ABCA6: variants seen among roughly 807,000 people sequenced by gnomAD.
ABCA6 encodes the protein ATP binding cassette subfamily A member 6, also known as ATP-binding cassette sub-family A member 6.
A neutral mutation model predicts 191.2 loss-of-function variants in ABCA6; 164 were observed. The observed-to-expected ratio is 0.86, with a 90% CI of 0.76 to 0.98. The LOEUF is 0.98. ABCA6 is among the 50% of genes least tolerant of loss of function. The pLI is 0.00. For missense variants in ABCA6, 1,958 were observed against 1,894.1 expected (o/e 1.03, Z -0.63); for synonymous variants, 636 against 647.7 (o/e 0.98, Z 0.27).
chr17:69,123,116 A>G, intron 10 of ABCA6, 123 bp downstream of exon 10: 1 of 483,530 alleles, frequency 2.1e-6, no homozygotes, highest in Middle Eastern at 7.6e-4. Context: ...ATACATATGT[A>G]ACAAACATGC....
chr17:69,122,015 T>G (rs1044536032), intron 10 of ABCA6, among the ~76,000 whole-genome samples: 6 of 152,162 alleles, frequency 3.9e-5, no homozygotes, highest in African/African-American at 1.4e-4. Context: ...TTGGAAATAT[T>G]TCACTTCCTA....
At chr17:69,139,986 T>C (rs2074004175) in intron 2 of ABCA6, among the ~76,000 whole-genome samples, 1 of 149,738 alleles carries the variant, frequency 6.7e-6, no homozygotes, top group African/African-American at 2.5e-5. Context: ...TTAGGAGATA[T>C]ACCTAATGCT....
At position 69,133,878 on chromosome 17, in the gene ABCA6, G is replaced by C. The variant is rs755950086; in HGVS notation, c.565-11C>G. The stretch of plus-strand genomic sequence containing the variant: ...GTGATTGGTTGTGATCTAAAGTAGA[G>C]TTTAAACAAACATAATTATTATTTA... On this transcript the variant is annotated splice_polypyrimidine_tract_variant and intron_variant, in intron 5 of 38. Transcript: ENST00000284425. 1 of 1,496,902 alleles carries C rather than the reference G, an allele frequency of 6.7e-7. No homozygotes were observed. 92.7% of individuals were successfully genotyped at this position (1,496,902 alleles called of 1,614,324 possible). A position where few individuals can be genotyped will look rare whatever the true frequency, so the allele number is the denominator to read the frequency against.
In ABCA6 at chr17:69,102,987, GAGA is replaced by G. The variant is rs1390196614; in HGVS notation, c.2741-22_2741-20del. On this transcript the variant is annotated intron_variant, in intron 20 of 38. Coordinates refer to ENST00000284425, the MANE Select transcript of ABCA6 (RefSeq NM_080284.3). ...TTTGATTCTAATATGAAGTTAATAA[GAGA>G]AGGCCATAGAAAAGTAAGAAAATAC... 1 of 1,435,886 alleles carries G rather than the reference GAGA, an allele frequency of 7.0e-7. No individual in the cohort carries two copies. Among genetic ancestry groups the G allele is most frequent in the African/African-American group, 1.4e-5 (1 of 69,732 alleles). 88.9% of individuals were successfully genotyped at this position (1,435,886 alleles called of 1,614,324 possible). A position where few individuals can be genotyped will look rare whatever the true frequency, so the allele number is the denominator to read the frequency against.
At chr17:69,133,956 G>A (rs191276132) in intron 5 of ABCA6, 89 bp from the exon 6 acceptor site, 105 of 935,474 alleles carry the variant, frequency 1.1e-4, no homozygotes, top group African/African-American at 1.1e-3. Flanking sequence ...TACTTATGTC[G>A]GTTCTCCAAT....
intron 24 of ABCA6, 132 bp downstream of exon 24, chr17:69,096,496 T>G (rs909425082): frequency 5.7e-5 from 47 of 822,788 alleles, no homozygotes; most frequent in Non-Finnish European, 7.5e-5. Flanking sequence ...TTATCATACA[T>G]GCACTTTGCA....
intron 24 of ABCA6, 22 bp downstream of exon 24, chr17:69,096,606 G>A: frequency 6.9e-7 from 1 of 1,440,358 alleles, no homozygotes; most frequent in Non-Finnish European, 9.2e-7. Flanking sequence ...ATGAAATTTG[G>A]TTTATGTACT....
chr17:69,117,652 A>T (rs2073561347), intron 11 of ABCA6, among the ~76,000 whole-genome samples: 1 of 152,084 alleles, frequency 6.6e-6, no homozygotes, highest in African/African-American at 2.4e-5. Context: ...ATTAATCTTT[A>T]AAAACAAAGA....
Position 69,097,911 on chromosome 17 carries a change from T to C in ABCA6, c.3120+9A>G. The C allele has an allele frequency of 6.4e-7, 1 of 1,564,378 alleles. No homozygotes were observed. The highest frequency in any genetic ancestry group is 8.6e-7 in the Non-Finnish European group (1 of 1,159,678). ...CCTGAAATTTCTTCTTTTCCCTGCTTTTTCTTACCTTGTAATCACTGATGC... is the reference window on the plus strand; with the variant it reads ...CCTGAAATTTCTTCTTTTCCCTGCTCTTTCTTACCTTGTAATCACTGATGC... On this transcript the variant is annotated intron_variant, in intron 23 of 38. Coordinates refer to ENST00000284425, the MANE Select transcript of ABCA6 (RefSeq NM_080284.3).
intron 8 of ABCA6, among the ~76,000 whole-genome samples, chr17:69,126,055 G>A (rs1444656503): frequency 1.3e-5 from 2 of 151,900 alleles, no homozygotes; most frequent in Admixed American, 1.3e-4. Flanking sequence ...ACCTGTGCAG[G>A]AAAGTAGGAA....
chr17:69,122,481 A>G (rs2073667043), intron 10 of ABCA6, among the ~76,000 whole-genome samples: 1 of 152,112 alleles, frequency 6.6e-6, no homozygotes, highest in African/African-American at 2.4e-5. Flanking sequence ...ACCAAGTCTC[A>G]TAACAACCCT....
intron 22 of ABCA6, chr17:69,098,301 C>A (rs2144639917): frequency 3.0e-6 from 1 of 335,160 alleles, no homozygotes; most frequent in East Asian, 5.2e-5. Context: ...CATATTCATA[C>A]CAACAATACT....
At chr17:69,091,375 A>G in intron 25 of ABCA6, 113 bp from the exon 26 acceptor site, 3 of 1,112,292 alleles carry the variant, frequency 2.7e-6, no homozygotes, top group Non-Finnish European at 3.8e-6. Flanking sequence ...TCCCATATGC[A>G]GATATACCCA....
chr17:69,119,111 GGTGATGA>G (rs1312833047), intron 10 of ABCA6, among the ~76,000 whole-genome samples: 3 of 152,002 alleles, frequency 2.0e-5, no homozygotes, highest in Admixed American at 6.6e-5. Flanking sequence ...ATTGATCTGG[GGTGATGA>G]GTTTTTCTTG....
intron 26 of ABCA6, among the ~76,000 whole-genome samples, chr17:69,089,767 C>A (rs1424141297): frequency 6.6e-6 from 1 of 152,076 alleles, no homozygotes; most frequent in Non-Finnish European, 1.5e-5. Flanking sequence ...CTCTTCAATT[C>A]TTTGTTTAAA....
In ABCA6 at chr17:69,086,724, T is replaced by A; in HGVS notation, c.3831A>T (p.Ile1277=). The part of the protein sequence containing the change: ...TTSILDEKPV[I]IASCLHKEYA... The stretch of plus-strand genomic sequence containing the variant: ...ATTCTTTGTGTAGACAGCTGGCAAT[T>A]ATAACAGGTTTCTAGAAGAGATGAC... The change falls in exon 30 of 39, where the codon ATA becomes ATT. Residue 1277 remains isoleucine (I), a synonymous_variant. Transcript: ENST00000284425. 6.2e-7 allele frequency: 1 copy of A among 1,610,408 alleles called. No homozygotes were observed. Among genetic ancestry groups the A allele is most frequent in the Non-Finnish European group, 8.5e-7 (1 of 1,177,792 alleles).
Position 69,086,696 on chromosome 17 carries a change from C to G in ABCA6, c.3859G>C (p.Ala1287Pro). Residue 1287 changes from alanine (A) to proline (P), a missense_variant, in exon 30 of 39, where the codon GCA becomes CCA. Transcript: ENST00000284425. ...GAAAAGCAACTTTTCTTCTGGCCTG[C>G]ATATTCTTTGTGTAGACAGCTGGCA... ...IIASCLHKEYAGQKKSCFSKR... is the reference protein window; with the variant it reads ...IIASCLHKEYPGQKKSCFSKR... The G allele has an allele frequency of 6.2e-7, 1 of 1,612,550 alleles. No individual in the cohort carries two copies. Among genetic ancestry groups the G allele is most frequent in the Non-Finnish European group, 8.5e-7 (1 of 1,179,254 alleles).
intron 20 of ABCA6, chr17:69,103,763 G>C (rs1333832497): frequency 6.6e-6 from 1 of 152,394 alleles, no homozygotes; most frequent in Non-Finnish European, 1.5e-5. Flanking sequence ...GTTCCACACA[G>C]AACACACAGT....
intron 31 of ABCA6, 105 bp downstream of exon 31, chr17:69,085,519 CA>C (rs35438104): frequency 0.11 from 51,076 of 466,828 alleles, no homozygotes; most frequent in East Asian, 0.2. Flanking sequence ...TATCCAAAGG[CA>C]AAAAAAAAAA....
Sources: gnomAD v4.1 joint callset for allele counts (sites outside exome capture counted in the v4.1 genomes callset) on GRCh38, gnomAD v4.1.1 for gene constraint, MANE v1.5 for transcripts, NCBI Gene and HGNC (gene_info 2026-07-23, HGNC 2026-07-21) for gene names.